Variants in MS4A12 observed in about 807,000 individuals in gnomAD.
MS4A12 encodes membrane-spanning 4-domains subfamily A member 12.
MS4A12 carries 28 observed loss-of-function variants against 23.7 expected under a neutral mutation model. The ratio of observed to expected loss-of-function variants is 1.18; its 90% confidence interval spans 0.88 to 1.62. The LOEUF (loss-of-function observed/expected upper bound fraction) is 1.62. Ranked by LOEUF, MS4A12 falls within the 40% of genes most tolerant of loss-of-function variation. The pLI is 0.00. For missense variants in MS4A12, 342 were observed against 327.0 expected (o/e 1.05, Z -0.35); for synonymous variants, 108 against 110.1 (o/e 0.98, Z 0.12).
Position 60,497,566 on chromosome 11 carries a change from A to G in MS4A12, c.248A>G (p.Asn83Ser). ...CCAAGTGTGGGAACAGCAGTAATGAACTTTAAAGAAGAAGCAAAGGCACTA... is the reference window on the plus strand; with the variant it reads ...CCAAGTGTGGGAACAGCAGTAATGAGCTTTAAAGAAGAAGCAAAGGCACTA... ...INPSVGTAVM[N>S]FKEEAKALGV... The change falls in exon 2 of 7, where the codon AAC becomes AGC. Residue 83 changes from asparagine (N) to serine (S), a missense_variant. Coordinates refer to ENST00000016913, the MANE Select transcript of MS4A12 (RefSeq NM_017716.3). The G allele has an allele frequency of 2.5e-6, 4 of 1,614,184 alleles. No individual in the cohort carries two copies. The highest frequency in any genetic ancestry group is 3.3e-5 in the Admixed American group (2 of 60,034).
At chr11:60,498,711 C>T (rs1446094822) in intron 2 of MS4A12, among the ~76,000 whole-genome samples, 1 of 152,108 alleles carries the variant, frequency 6.6e-6, no homozygotes, top group African/African-American at 2.4e-5. Context: ...TGTAAAAGGG[C>T]TAAAAAGTAC....
intron 5 of MS4A12, among the ~76,000 whole-genome samples, chr11:60,504,846 G>A (rs1474191006): frequency 6.6e-6 from 1 of 152,084 alleles, no homozygotes. Flanking sequence ...TCTGAAAGTT[G>A]TCTAGGCACT....
chr11:60,502,165 G>A, intron 4 of MS4A12, 126 bp downstream of exon 4: 7 of 957,200 alleles, frequency 7.3e-6, no homozygotes, highest in Non-Finnish European at 1.1e-5. Context: ...AAATCTATTG[G>A]TTGCCTTATG....
rs1019070028 is a variant in MS4A12 at position 60,502,521 on chromosome 11, G to A, written c.471+482G>A. On this transcript the variant is annotated intron_variant, in intron 4 of 6. Coordinates refer to ENST00000016913, the MANE Select transcript of MS4A12 (RefSeq NM_017716.3). ...ACAATTCTTTAAATTGCCATTAAAT[G>A]AGTCTAGCTTGTTCTGTAAGAAGAG... is the stretch of plus-strand genomic sequence containing the variant. Among the ~76,000 whole-genome samples the A allele has an allele frequency of 2.0e-5, 3 of 152,186 alleles. No homozygotes were observed. The East Asian group carries it at 5.8e-4, about 29-fold the overall frequency.
rs2135237109 is a variant in MS4A12 at position 60,506,828 on chromosome 11, C to T, written c.689C>T (p.Thr230Ile). ...TAHFANQANT[T>I]TNMSVLVIPN... is the part of the protein sequence containing the mutation. The stretch of plus-strand genomic sequence containing the variant: ...CATTTTGCCAACCAAGCAAACACCA[C>T]AACCAATATGGTGAGTTGGGTCTCT... Residue 230 changes from threonine (T) to isoleucine (I), a missense_variant, in exon 6 of 7, where the codon ACA becomes ATA. By Grantham distance (89) the Thr-to-Ile change is moderately conservative (BLOSUM62 -1). Transcript: ENST00000016913. The T allele has an allele frequency of 6.2e-7, 1 of 1,612,348 alleles. No individual in the cohort carries two copies. Among genetic ancestry groups the T allele is most frequent in the Non-Finnish European group, 8.5e-7 (1 of 1,178,320 alleles).
chr11:60,495,085 C>T (rs60570998), intron 1 of MS4A12, among the ~76,000 whole-genome samples: 85 of 151,730 alleles, frequency 5.6e-4, no homozygotes, highest in African/African-American at 2.0e-3. Flanking sequence ...CTCCACCTCC[C>T]GGGTTCACAC....
Position 60,506,825 on chromosome 11 carries a change from C to A in MS4A12, c.686C>A (p.Thr229Asn), listed in dbSNP as rs868687955. 4.3e-6 allele frequency: 7 copies of A among 1,613,090 alleles called. No individual in the cohort carries two copies. In the Middle Eastern group the frequency reaches 1.2e-3, roughly 266 times the overall value. ...ATAHFANQAN[T>N]TTNMSVLVIP... is the part of the protein sequence containing the mutation. ...GCCCATTTTGCCAACCAAGCAAACACCACAACCAATATGGTGAGTTGGGTC... is the reference window on the plus strand; with the variant it reads ...GCCCATTTTGCCAACCAAGCAAACAACACAACCAATATGGTGAGTTGGGTC... Residue 229 changes from threonine (T) to asparagine (N), a missense_variant, in exon 6 of 7, where the codon ACC (threonine) becomes AAC (asparagine). Thr to Asn is a moderately conservative substitution (Grantham distance 65, BLOSUM62 0). Coordinates refer to ENST00000016913, the MANE Select transcript of MS4A12 (RefSeq NM_017716.3).
At chr11:60,501,237 G>C in intron 3 of MS4A12, 55 bp downstream of exon 3, 1 of 1,498,186 alleles carries the variant, frequency 6.7e-7, no homozygotes, top group Non-Finnish European at 8.9e-7. Context: ...ATTCCCTCTT[G>C]GTTTATAAAG....
In MS4A12 at chr11:60,507,045, A is replaced by G. The variant is rs954156247; in HGVS notation, c.725A>G (p.Tyr242Cys). ...NMSVLVIPNM[Y>C]ESNPVTPASS... The stretch of plus-strand genomic sequence containing the variant: ...TCTGTCCTGGTTATTCCAAATATGT[A>G]TGAAAGCAACCCTGTGACACCAGCG... The change falls in exon 7 of 7, where the codon TAT becomes TGT. Residue 242 changes from tyrosine (Y) to cysteine (C), a missense_variant. Transcript: ENST00000016913. 2.0e-5 allele frequency: 32 copies of G among 1,613,842 alleles called. No individual in the cohort carries two copies. The highest frequency in any genetic ancestry group is 2.5e-5 in the Non-Finnish European group (30 of 1,179,844).
At position 60,495,159 on chromosome 11, in the gene MS4A12, ATT is replaced by A. The variant is rs5792186; in HGVS notation, c.-6-2139_-6-2138del. Among the ~76,000 whole-genome samples, 498 of 146,868 alleles carry A rather than the reference ATT, an allele frequency of 3.4e-3. 6 individuals are homozygous for A. The highest frequency in any genetic ancestry group is 0.02 in the East Asian group (98 of 5,022). ...AGGCGACCACCACTACACCCGGCTAATTTTTTTTTTTTTTTTGTATTTTTAGT... is the reference window on the plus strand; with the variant it reads ...AGGCGACCACCACTACACCCGGCTAATTTTTTTTTTTTTTGTATTTTTAGT... On this transcript the variant is annotated intron_variant, in intron 1 of 6. Transcript: ENST00000016913.
intron 1 of MS4A12, among the ~76,000 whole-genome samples, chr11:60,494,770 T>A (rs1393766845): frequency 6.6e-6 from 1 of 152,210 alleles, no homozygotes; most frequent in Non-Finnish European, 1.5e-5. Flanking sequence ...AGGGATTTCA[T>A]TAAGAAACTT....
At position 60,502,170 on chromosome 11, in the gene MS4A12, C is replaced by T. The variant is rs1014635731; in HGVS notation, c.471+131C>T. The T allele has an allele frequency of 4.4e-6, 4 of 913,370 alleles. No homozygotes were observed. In the African/African-American group the frequency reaches 6.7e-5, roughly 15 times the overall value. The allele number at this position is 913,370 out of a possible 1,614,324, so 56.6% of individuals were successfully genotyped here. ...TTCCCAAAAAAAATCTATTGGTTGC[C>T]TTATGGTCTGAGCGCTGGGGTGAGA... On this transcript the variant is annotated intron_variant, in intron 4 of 6. Transcript: ENST00000016913.
rs150012278 is a variant in MS4A12, at chr11:60,501,161, C to T, written c.393C>T (p.Tyr131=). 1.7e-5 allele frequency: 28 copies of T among 1,611,678 alleles called. No individual in the cohort carries two copies. In the Admixed American group the frequency reaches 3.5e-4, roughly 20 times the overall value. Residue 131 remains tyrosine (Y), a synonymous_variant, in exon 3 of 7, where the codon TAC becomes TAT. Transcript: ENST00000016913. ...CCTCTACTGCTGTTATTGGTGGATA[C>T]CCATTCTGGGGTGGCCTTTCTGTGA... The part of the protein sequence containing the change: ...GFASTAVIGG[Y]PFWGGLSFII...
chr11:60,497,366 A>AC lies in MS4A12; in HGVS notation c.51dup (p.Asn18GlnfsTer45). 1.2e-6 allele frequency: 2 copies of AC among 1,614,172 alleles called. No homozygotes were observed. Among genetic ancestry groups the AC allele is most frequent in the Non-Finnish European group, 1.7e-6 (2 of 1,180,014 alleles). ...GCCATGCTGAAGTAAATGAAACCAT[A>AC]CCCAACCCTTACCCACCAAGCAGCT... On this transcript the variant is annotated frameshift_variant, in exon 2 of 7. Transcript: ENST00000016913. LOFTEE classifies it high-confidence loss of function.
Position 60,507,068 on chromosome 11 carries a change from G to A in MS4A12, c.748G>A (p.Ala250Thr), listed in dbSNP as rs776926656. The A allele has an allele frequency of 1.9e-6, 3 of 1,614,072 alleles. No individual in the cohort carries two copies. In the East Asian group the frequency reaches 6.7e-5, roughly 36 times the overall value. Reference protein sequence around the residue: ...NMYESNPVTPASSSAPPRCNN... With the variant: ...NMYESNPVTPTSSSAPPRCNN... ...GTATGAAAGCAACCCTGTGACACCA[G>A]CGTCTTCTTCAGCTCCTCCCAGATG... The change falls in exon 7 of 7, where the codon GCG (alanine) becomes ACG (threonine). Residue 250 changes from alanine (A) to threonine (T), a missense_variant. Ala to Thr is a moderately conservative substitution (Grantham distance 58, BLOSUM62 0). Coordinates refer to ENST00000016913, the MANE Select transcript of MS4A12 (RefSeq NM_017716.3).
At position 60,502,025 on chromosome 11, in the gene MS4A12, C is replaced by A; in HGVS notation, c.457C>A (p.Leu153Ile). 1 of 1,612,640 alleles carries A rather than the reference C, an allele frequency of 6.2e-7. No individual in the cohort carries two copies. The highest frequency in any genetic ancestry group is 1.1e-5 in the South Asian group (1 of 91,044). Reference protein sequence around the residue: ...GSLSVSASKELSRCLVKGSLG... With the variant: ...GSLSVSASKEISRCLVKGSLG... ...TCTCTCTGTGTCAGCATCCAAGGAG[C>A]TTTCCCGTTGTCTGGTAAGTTAGAC... Residue 153 changes from leucine (L) to isoleucine (I), a missense_variant, in exon 4 of 7, where the codon CTT (leucine) becomes ATT (isoleucine). Coordinates refer to ENST00000016913, the MANE Select transcript of MS4A12 (RefSeq NM_017716.3).
Position 60,497,436 on chromosome 11 carries a change from G to T in MS4A12, c.118G>T (p.Glu40Ter). ...ACAGCCTCTGGGTTCAATCAACTTA[G>T]AAAACCAAGCTCAGGGTGCTCAGCG... ...FQQPLGSINL[E>*]NQAQGAQRAQ... is the part of the protein sequence containing the mutation. The change falls in exon 2 of 7, where the codon GAA becomes TAA. Residue 40 changes from glutamate to a stop codon, truncating the protein, a stop_gained. Transcript: ENST00000016913. LOFTEE classifies it high-confidence loss of function. The T allele has an allele frequency of 6.2e-7, 1 of 1,614,162 alleles. No individual in the cohort carries two copies. Among genetic ancestry groups the T allele is most frequent in the Non-Finnish European group, 8.5e-7 (1 of 1,180,032 alleles).
chr11:60,492,936 C>T (rs2086460047), intron 1 of MS4A12, 108 bp downstream of exon 1: 1 of 151,984 alleles, frequency 6.6e-6, no homozygotes, highest in Admixed American at 6.6e-5. Flanking sequence ...GGGATGAAGA[C>T]AAGTTCTTGA....
At chr11:60,503,015 C>A (rs1265538812) in intron 4 of MS4A12, among the ~76,000 whole-genome samples, 1 of 152,136 alleles carries the variant, frequency 6.6e-6, no homozygotes, top group Non-Finnish European at 1.5e-5. Flanking sequence ...AGGCACGCTG[C>A]AGCACAAGCA....
Sources: gnomAD v4.1 joint callset for allele counts (sites outside exome capture counted in the v4.1 genomes callset) on GRCh38, gnomAD v4.1.1 for gene constraint, MANE v1.5 for transcripts, NCBI Gene and HGNC (gene_info 2026-07-23, HGNC 2026-07-21) for gene names.